ADGRA3: variants seen among roughly 807,000 people sequenced by gnomAD.
ADGRA3 encodes adhesion G protein-coupled receptor A3, also known as G-protein coupled receptor 125.
Under a neutral mutation model 119.8 loss-of-function variants are expected in ADGRA3, and 56 were observed. The observed-to-expected ratio is 0.47, with a 90% confidence interval of 0.38 to 0.58. The LOEUF is 0.58. Ranked by LOEUF, ADGRA3 falls within the 20% of genes least tolerant of loss-of-function variation. The pLI is 0.00. For missense variants in ADGRA3, 1,516 were observed against 1,649.0 expected (o/e 0.92, Z 1.40); for synonymous variants, 607 against 623.8 (o/e 0.97, Z 0.40).
At chr4:22,400,878 G>A (rs1714605846) in intron 16 of ADGRA3, among the ~76,000 whole-genome samples, 1 of 151,896 alleles carries the variant, frequency 6.6e-6, no homozygotes, top group African/African-American at 2.4e-5. Flanking sequence ...GAAATAAAAT[G>A]TTACGTATTT....
intron 10 of ADGRA3, among the ~76,000 whole-genome samples, chr4:22,431,195 C>A (rs1716155636): frequency 6.6e-6 from 1 of 152,124 alleles, no homozygotes; most frequent in South Asian, 2.1e-4. Flanking sequence ...ACTAGTGGAG[C>A]TGTGAGAAAA....
intron 16 of ADGRA3, among the ~76,000 whole-genome samples, chr4:22,398,552 C>T (rs936066715): frequency 1.3e-5 from 2 of 152,090 alleles, no homozygotes; most frequent in African/African-American, 2.4e-5. Flanking sequence ...AACCTCTGTT[C>T]ATCACTCCCT....
In ADGRA3 at chr4:22,413,309, G is replaced by A; in HGVS notation, c.2105C>T (p.Ala702Val). Residue 702 changes from alanine (A) to valine (V), a missense_variant, in exon 14 of 19, where the codon GCC (alanine) becomes GTC (valine). Ala to Val is a moderately conservative substitution (Grantham distance 64). Transcript: ENST00000334304. ...GTTCAGCAAATCGAAATCCCACCGGGCTGCAACAGCATCTGCTCCATGTGC... is the reference window on the plus strand; with the variant it reads ...GTTCAGCAAATCGAAATCCCACCGGACTGCAACAGCATCTGCTCCATGTGC... ...RIAHGADAVAARWDFDLLNGQ... is the reference protein window; with the variant it reads ...RIAHGADAVAVRWDFDLLNGQ... 1.2e-6 allele frequency: 2 copies of A among 1,614,062 alleles called. No homozygotes were observed. Among genetic ancestry groups the A allele is most frequent in the Non-Finnish European group, 1.7e-6 (2 of 1,179,956 alleles).
At chr4:22,463,962 T>C (rs1717566170) in intron 2 of ADGRA3, among the ~76,000 whole-genome samples, 1 of 152,166 alleles carries the variant, frequency 6.6e-6, no homozygotes, top group Admixed American at 6.5e-5. Context: ...GGGATCACTG[T>C]GACCTCCAGC....
chr4:22,461,897 A>C, intron 2 of ADGRA3, 89 bp from the exon 3 acceptor site: 1 of 775,118 alleles, frequency 1.3e-6, no homozygotes, highest in East Asian at 2.7e-5. Context: ...CAAAAAAAAC[A>C]AAAGTATAAT....
At chr4:22,430,233 A>G (rs987308976) in intron 10 of ADGRA3, among the ~76,000 whole-genome samples, 3 of 152,202 alleles carry the variant, frequency 2.0e-5, no homozygotes, top group Non-Finnish European at 4.4e-5. Context: ...AATTGGTACC[A>G]ATAGAGTGAG....
At chr4:22,411,552 T>C (rs1715198059) in intron 14 of ADGRA3, among the ~76,000 whole-genome samples, 1 of 151,972 alleles carries the variant, frequency 6.6e-6, no homozygotes, top group South Asian at 2.1e-4. Context: ...TGAGGCGAGA[T>C]TGCACCACTG....
At chr4:22,417,893 A>C (rs1715492097) in intron 12 of ADGRA3, among the ~76,000 whole-genome samples, 1 of 152,102 alleles carries the variant, frequency 6.6e-6, no homozygotes, top group Non-Finnish European at 1.5e-5. Flanking sequence ...AATTCATGAG[A>C]CTTCAGCTGG....
intron 1 of ADGRA3, among the ~76,000 whole-genome samples, chr4:22,496,126 G>T (rs1447450962): frequency 6.6e-6 from 1 of 152,046 alleles, no homozygotes; most frequent in Non-Finnish European, 1.5e-5. Context: ...GTGAAAAGCG[G>T]TACCTCAAAA....
chr4:22,405,499 T>A (rs1187411237), intron 14 of ADGRA3, among the ~76,000 whole-genome samples: 1 of 151,140 alleles, frequency 6.6e-6, no homozygotes, highest in Non-Finnish European at 1.5e-5. Context: ...TGAGCTGAGA[T>A]TGCGCCACTG....
At position 22,445,041 on chromosome 4, in the gene ADGRA3, C is replaced by T; in HGVS notation, c.638G>A (p.Arg213Lys). 3.1e-6 allele frequency: 5 copies of T among 1,613,948 alleles called. No homozygotes were observed. Among genetic ancestry groups the T allele is most frequent in the Non-Finnish European group, 4.2e-6 (5 of 1,179,920 alleles). Residue 213 changes from arginine to lysine, a missense_variant, in exon 6 of 19, where the codon AGG (arginine) becomes AAG (lysine). Physicochemically the swap from Arg to Lys is conservative, Grantham distance 26 (BLOSUM62 2). Coordinates refer to ENST00000334304, the MANE Select transcript of ADGRA3 (RefSeq NM_145290.4). ...KEKNITVRDT[R>K]CVYPKSLQAQ... Reference sequence around the variant, plus strand: ...CTGCAGTGACTTAGGATAAACACACCTGGTATCCCGTACCGTGATGTTCTT... The same window carrying T: ...CTGCAGTGACTTAGGATAAACACACTTGGTATCCCGTACCGTGATGTTCTT...
chr4:22,442,640 A>G lies in ADGRA3; in HGVS notation c.920+10T>C, dbSNP rs201436060. 8 of 1,599,088 alleles carry G rather than the reference A, an allele frequency of 5.0e-6. No individual in the cohort carries two copies. The highest frequency in any genetic ancestry group is 6.8e-6 in the Non-Finnish European group (8 of 1,172,904). ...ACAATTCTTCATTCAAAAAAAAAAA[A>G]AAAGTTTACCTTGCAATCAAGGAGC... On this transcript the variant is annotated intron_variant, in intron 7 of 18. Coordinates refer to ENST00000334304, the MANE Select transcript of ADGRA3 (RefSeq NM_145290.4).
At chr4:22,401,744 G>T (rs1431204337) in intron 15 of ADGRA3, among the ~76,000 whole-genome samples, 190 bp from the exon 16 acceptor site, 1 of 151,694 alleles carries the variant, frequency 6.6e-6, no homozygotes, top group Non-Finnish European at 1.5e-5. Flanking sequence ...CATTTAACTC[G>T]ATCTCGTTTC....
chr4:22,444,782 GA>G (rs367762454), intron 6 of ADGRA3, among the ~76,000 whole-genome samples, 190 bp downstream of exon 6: 15 of 145,216 alleles, frequency 1.0e-4, no homozygotes, highest in Admixed American at 1.4e-4. Context: ...AAAGACAACT[GA>G]AAAAAAAAAG....
At chr4:22,465,086 T>A (rs1480365721) in intron 2 of ADGRA3, among the ~76,000 whole-genome samples, 3 of 152,164 alleles carry the variant, frequency 2.0e-5, no homozygotes, top group Non-Finnish European at 4.4e-5. Context: ...CATTCAAAAA[T>A]TCCAAACTTC....
Position 22,420,979 on chromosome 4 carries a change from C to T in ADGRA3, c.1716G>A (p.Ser572=), listed in dbSNP as rs181844424. The stretch of plus-strand genomic sequence containing the variant: ...CCTCTGGATCCCGCCTCCCATAATC[C>T]GAAAGTCCTGTACGATCAGAGGCTG... ...KVAASDRTGL[S]DYGRRDPEGN... is the part of the protein sequence containing the mutation. Residue 572 remains serine, a synonymous_variant, in exon 12 of 19, where the codon TCG becomes TCA. Transcript: ENST00000334304. The T allele has an allele frequency of 3.8e-5, 61 of 1,614,014 alleles. No homozygotes were observed. The highest frequency in any genetic ancestry group is 1.2e-4 in the African/African-American group (9 of 74,988).
intron 1 of ADGRA3, among the ~76,000 whole-genome samples, chr4:22,484,000 T>G (rs973028452): frequency 6.6e-6 from 1 of 152,048 alleles, no homozygotes; most frequent in Non-Finnish European, 1.5e-5. Flanking sequence ...TTTTTAAAGC[T>G]GTTAAATGAA....
chr4:22,492,999 T>A (rs1378515310), intron 1 of ADGRA3, among the ~76,000 whole-genome samples: 1 of 10,968 alleles, frequency 9.1e-5, no homozygotes, highest in Non-Finnish European at 2.7e-4. Flanking sequence ...AGGGTTTCAC[T>A]CTGTCACCCA....
rs943121237 is a variant in ADGRA3, at chr4:22,461,856, G to A, written c.330-48C>T. 5 of 1,210,680 alleles carry A rather than the reference G, an allele frequency of 4.1e-6. No homozygotes were observed. The African/African-American group carries it at 6.1e-5, about 15-fold the overall frequency. The allele number at this position is 1,210,680 out of a possible 1,614,324, so 75.0% of individuals were successfully genotyped here. A position where few individuals can be genotyped will look rare whatever the true frequency, so the allele number is the denominator to read the frequency against. ...TATTCACATATCAACACTGCAACAA[G>A]TATTCAGGCACAATACACTTACCTG... On this transcript the variant is annotated intron_variant, in intron 2 of 18. Coordinates refer to ENST00000334304, the MANE Select transcript of ADGRA3 (RefSeq NM_145290.4).
Sources: gnomAD v4.1 joint callset for allele counts (sites outside exome capture counted in the v4.1 genomes callset) on GRCh38, gnomAD v4.1.1 for gene constraint, MANE v1.5 for transcripts, NCBI Gene and HGNC (gene_info 2026-07-23, HGNC 2026-07-21) for gene names.